Variants in TSC1 observed in about 807,000 individuals in gnomAD.
TSC1 encodes the protein hamartin.
In TSC1, 20 loss-of-function variants were observed where a neutral mutation model predicts 124.3. That is an observed-to-expected ratio of 0.16 (90% CI 0.11 to 0.23). The LOEUF (loss-of-function observed/expected upper bound fraction) is 0.23, where lower values mean the gene tolerates loss of function less well. Ranked by LOEUF, TSC1 falls within the 10% of genes least tolerant of loss-of-function variation. The probability of loss-of-function intolerance (pLI) is 1.00; values close to 1 mark genes in which losing one functional copy is unlikely to be tolerated. For missense variants in TSC1, 1,124 were observed against 1,448.5 expected, an observed-to-expected ratio of 0.78 and a Z score of 3.64; for synonymous variants, 493 against 539.1, an observed-to-expected ratio of 0.91 and a Z score of 1.19.
intron 1 of TSC1, among the ~76,000 whole-genome samples, chr9:132,937,335 C>T (rs528807857): frequency 3.1e-3 from 473 of 152,270 alleles, no homozygotes; most frequent in African/African-American, 0.011. Flanking sequence ...CCCAGCTACT[C>T]GGGAGGCTAA....
chr9:132,919,487 C>G (rs1307078323), intron 8 of TSC1, among the ~76,000 whole-genome samples: 3 of 152,178 alleles, frequency 2.0e-5, no homozygotes, highest in Non-Finnish European at 2.9e-5. Flanking sequence ...TACAGATGAT[C>G]AGAAATTCTA....
Position 132,902,721 on chromosome 9 carries a change from C to T in TSC1, c.2275G>A (p.Ala759Thr), listed in dbSNP as rs1060503199. ...MWKVSLQKEQARYNQLQEQRD... is the reference protein window; with the variant it reads ...MWKVSLQKEQTRYNQLQEQRD... ...TGCTCCTGGAGCTGATTGTATCTAGCTTGTTCTTTCTGCAGACTAACCTTC... is the reference window on the plus strand; with the variant it reads ...TGCTCCTGGAGCTGATTGTATCTAGTTTGTTCTTTCTGCAGACTAACCTTC... Residue 759 changes from alanine to threonine, a missense_variant, in exon 18 of 23, where the codon GCT becomes ACT. Physicochemically the swap from Ala to Thr is moderately conservative, Grantham distance 58 (BLOSUM62 0). Around this residue, in one of 5 missense-constraint regions of TSC1, gnomAD observed 321 missense variants for 397.4 expected, o/e 0.81. Coordinates refer to ENST00000298552, the MANE Select transcript of TSC1 (RefSeq NM_000368.5). This position sits in a 1 kb window ranked among gnomAD's most constrained non-coding sequence, Gnocchi z 5.2. The T allele has an allele frequency of 1.2e-6, 2 of 1,614,150 alleles. No homozygotes were observed. Among genetic ancestry groups the T allele is most frequent in the Non-Finnish European group, 1.7e-6 (2 of 1,180,040 alleles).
chr9:132,936,642 ATATT>A (rs1457962175), intron 1 of TSC1, among the ~76,000 whole-genome samples: 1 of 152,174 alleles, frequency 6.6e-6, no homozygotes, highest in Non-Finnish European at 1.5e-5. Context: ...CCTTCAAACT[ATATT>A]TAGGTACAAT....
In TSC1 at chr9:132,921,511, C is replaced by T; in HGVS notation, c.664-75G>A. On this transcript the variant is annotated intron_variant, in intron 7 of 22. Coordinates refer to ENST00000298552, the MANE Select transcript of TSC1 (RefSeq NM_000368.5). The surrounding 1 kb of genome is among the most constrained non-coding windows in gnomAD (Gnocchi z 4.3). ...ATCCAAATGATGGAATATTAGTTGA[C>T]AATTAAAAGGAATGAAGTACTGATA... The T allele has an allele frequency of 6.5e-7, 1 of 1,530,992 alleles. No individual in the cohort carries two copies. Among genetic ancestry groups the T allele is most frequent in the Non-Finnish European group, 9.0e-7 (1 of 1,106,168 alleles). 94.8% of individuals were successfully genotyped at this position (1,530,992 alleles called of 1,614,324 possible). A position where few individuals can be genotyped will look rare whatever the true frequency, so the allele number is the denominator to read the frequency against.
intron 8 of TSC1, among the ~76,000 whole-genome samples, chr9:132,917,523 G>C (rs1359547449): frequency 6.6e-6 from 1 of 152,106 alleles, no homozygotes; most frequent in Non-Finnish European, 1.5e-5. Flanking sequence ...GTAGAGAGGA[G>C]GTTTCACCAT....
At chr9:132,901,117 G>A (rs1015371957) in intron 19 of TSC1, among the ~76,000 whole-genome samples, 4 of 152,206 alleles carry the variant, frequency 2.6e-5, no homozygotes, top group African/African-American at 9.7e-5. Context: ...TGGAGAAGGT[G>A]GACAGGTATA....
At chr9:132,916,915 A>G (rs1846295225) in intron 8 of TSC1, among the ~76,000 whole-genome samples, 1 of 152,158 alleles carries the variant, frequency 6.6e-6, no homozygotes, top group African/African-American at 2.4e-5. Flanking sequence ...TTCCTCCTTC[A>G]TGATTTTACT....
chr9:132,939,832 G>A (rs918973814), intron 1 of TSC1, among the ~76,000 whole-genome samples: 5 of 152,146 alleles, frequency 3.3e-5, no homozygotes, highest in African/African-American at 9.7e-5. Context: ...CTGGCACCAC[G>A]AGCAGGAGCC....
Position 132,900,736 on chromosome 9 carries a change from G to A in TSC1, c.2604C>T (p.Asn868=), listed in dbSNP as rs147163264. The change falls in exon 20 of 23, where the codon AAC becomes AAT. Residue 868 remains asparagine, a synonymous_variant. Transcript: ENST00000298552. ...VNELYLEQLQ[N]KHSDTTKEVE... ...ATACCTTTGTGGTATCTGAGTGCTT[G>A]TTCTGCAGTTGTTCCAAATAGAGCT... is the stretch of plus-strand genomic sequence containing the variant. The A allele has an allele frequency of 5.6e-6, 9 of 1,614,040 alleles. No homozygotes were observed. The highest frequency in any genetic ancestry group is 7.6e-6 in the Non-Finnish European group (9 of 1,180,018).
rs1447417010 is a variant in TSC1 at position 132,900,816 on chromosome 9, G to C, written c.2524C>G (p.Gln842Glu). 6.2e-7 allele frequency: 1 copy of C among 1,614,014 alleles called. No individual in the cohort carries two copies. Among genetic ancestry groups the C allele is most frequent in the Non-Finnish European group, 8.5e-7 (1 of 1,180,018 alleles). The change falls in exon 20 of 23, where the codon CAG (glutamine) becomes GAG (glutamate). Residue 842 changes from glutamine (Q) to glutamate (E), a missense_variant. Coordinates refer to ENST00000298552, the MANE Select transcript of TSC1 (RefSeq NM_000368.5). ...CTGTTCAAGAACTCCATCTGCTGCT[G>C]GACCGACTCACTGTTTGAGAGCTAA... ...SQKLSNSESV[Q>E]QQMEFLNRQL...
At chr9:132,918,414 G>C (rs1490916885) in intron 8 of TSC1, among the ~76,000 whole-genome samples, 1 of 152,172 alleles carries the variant, frequency 6.6e-6, no homozygotes, top group Non-Finnish European at 1.5e-5. Context: ...AAGACAGAGT[G>C]AAAACCACTG....
chr9:132,896,214 A>C lies in TSC1; in HGVS notation c.*21T>G, dbSNP rs1422906425. 1.2e-6 allele frequency: 2 copies of C among 1,614,178 alleles called. No individual in the cohort carries two copies. The highest frequency in any genetic ancestry group is 1.7e-5 in the Admixed American group (1 of 60,034). On this transcript the variant is annotated 3_prime_UTR_variant, in exon 23 of 23. Transcript: ENST00000298552. This position sits in a 1 kb window ranked among gnomAD's most constrained non-coding sequence, Gnocchi z 4.5. ...TTCTGTGCCAACAATATGCAAGTTA[A>C]CACTGATTGACCATCATTCCTTAGC...
In TSC1 at chr9:132,892,458, T is replaced by C. The variant is rs1222288057; in HGVS notation, c.*3777A>G. 1 of 233,234 alleles carries C rather than the reference T, an allele frequency of 4.3e-6. No homozygotes were observed. The highest frequency in any genetic ancestry group is 2.2e-5 in the African/African-American group (1 of 45,356). The allele number at this position is 233,234 out of a possible 1,614,324, so 14.4% of individuals were successfully genotyped here. ...AAGGTGCAGCAGATAGGTATACTGA[T>C]TTGAGTCACTCCACACCAGGCAGCT... On this transcript the variant is annotated 3_prime_UTR_variant, in exon 23 of 23. Transcript: ENST00000298552.
chr9:132,927,393 A>G, intron 3 of TSC1, 89 bp from the exon 4 acceptor site: 7 of 1,259,908 alleles, frequency 5.6e-6, no homozygotes, highest in Non-Finnish European at 8.0e-6. Flanking sequence ...AAATCCAGAA[A>G]ATGTTTCTTT....
intron 1 of TSC1, among the ~76,000 whole-genome samples, chr9:132,936,121 TTCTC>T (rs778383852): frequency 1.6e-4 from 24 of 152,284 alleles, no homozygotes; most frequent in Admixed American, 3.3e-4. Flanking sequence ...TTTTCTTTCT[TTCTC>T]TCTTTCTTTT....
intron 1 of TSC1, among the ~76,000 whole-genome samples, chr9:132,936,775 C>T (rs747039924): frequency 1.9e-4 from 29 of 152,298 alleles, no homozygotes; most frequent in Non-Finnish European, 4.0e-4. Flanking sequence ...AAGATTTAAT[C>T]AGCTTCTTTG....
rs868755168 is a variant in TSC1, at chr9:132,902,673, G to A, written c.2323C>T (p.Leu775Phe). 5 of 1,614,088 alleles carry A rather than the reference G, an allele frequency of 3.1e-6. No individual in the cohort carries two copies. The highest frequency in any genetic ancestry group is 2.7e-5 in the African/African-American group (2 of 74,936). ...QEQRDTMVTK[L>F]HSQIRQLQHD... ...TGCAGCTGTCTGATCTGGCTGTGGA[G>A]CTTGGTTACCATAGTGTCACGCTGC... Residue 775 changes from leucine to phenylalanine, a missense_variant, in exon 18 of 23, where the codon CTC becomes TTC. Leu to Phe is a conservative substitution (Grantham distance 22). Transcript: ENST00000298552. This position sits in a 1 kb window ranked among gnomAD's most constrained non-coding sequence, Gnocchi z 5.2.
chr9:132,919,705 A>G (rs990730793), intron 8 of TSC1, among the ~76,000 whole-genome samples: 1 of 152,226 alleles, frequency 6.6e-6, no homozygotes, highest in African/African-American at 2.4e-5. Context: ...CACAGGAGAG[A>G]GGCGAAGGAA....
At chr9:132,939,348 T>C (rs1261849741) in intron 1 of TSC1, 1 of 152,350 alleles carries the variant, frequency 6.6e-6, no homozygotes, top group East Asian at 1.9e-4. Flanking sequence ...TGGTAAAACC[T>C]GCCAACATGT....
Sources: allele counts gnomAD v4.1 joint callset (sites outside exome capture counted in the v4.1 genomes callset), GRCh38; gene constraint gnomAD v4.1.1; regional missense constraint gnomAD v4.1.1; non-coding constraint Gnocchi (gnomAD v3.1); transcripts MANE v1.5; gene names NCBI Gene and HGNC (gene_info 2026-07-23, HGNC 2026-07-21).